Variants in ADAM32 observed in about 807,000 individuals in gnomAD.
The protein encoded by ADAM32 is ADAM metallopeptidase domain 32, also known as disintegrin and metalloproteinase domain-containing protein 32.
Under a neutral mutation model 114.9 loss-of-function variants are expected in ADAM32, and 89 were observed. The ratio of observed to expected loss-of-function variants is 0.77; its 90% CI spans 0.65 to 0.92. ADAM32 has a LOEUF of 0.92. Among genes scored for constraint, ADAM32 ranks in the 40% least tolerant of loss-of-function variants. The pLI is 0.00. For missense variants in ADAM32, 870 were observed against 932.8 expected (o/e 0.93, Z 0.88); for synonymous variants, 285 against 307.5 (o/e 0.93, Z 0.77).
chr8:39,248,431 T>C (rs916581937), intron 17 of ADAM32, among the ~76,000 whole-genome samples: 5 of 152,194 alleles, frequency 3.3e-5, no homozygotes, highest in African/African-American at 1.2e-4. Context: ...TACCAAGTAC[T>C]TCATTTTTTG....
In ADAM32 at chr8:39,234,044, C is replaced by A; in HGVS notation, c.1780C>A (p.Leu594Met). ...ATTGCCTCGAACAGTTCCAGATCCACTGGCTGTCAAAAATGGCTCTCAGTG... is the reference window on the plus strand; with the variant it reads ...ATTGCCTCGAACAGTTCCAGATCCAATGGCTGTCAAAAATGGCTCTCAGTG... ...YKLPRTVPDP[L>M]AVKNGSQCDI... is the part of the protein sequence containing the mutation. Residue 594 changes from leucine to methionine, a missense_variant, in exon 16 of 25, where the codon CTG (leucine) becomes ATG (methionine). Coordinates refer to ENST00000379907, the MANE Select transcript of ADAM32 (RefSeq NM_145004.7). 3 of 1,497,656 alleles carry A rather than the reference C, an allele frequency of 2.0e-6. No homozygotes were observed. Among genetic ancestry groups the A allele is most frequent in the Non-Finnish European group, 2.7e-6 (3 of 1,120,094 alleles). The allele number at this position is 1,497,656 out of a possible 1,614,324, so 92.8% of individuals were successfully genotyped here.
chr8:39,198,595 C>G (rs1198420028), intron 11 of ADAM32, among the ~76,000 whole-genome samples: 2 of 152,198 alleles, frequency 1.3e-5, no homozygotes, highest in African/African-American at 4.8e-5. Flanking sequence ...CTATGCTGGT[C>G]TCGAACTCCT....
At chr8:39,151,037 C>A (rs892386004) in intron 5 of ADAM32, among the ~76,000 whole-genome samples, 1 of 148,468 alleles carries the variant, frequency 6.7e-6, no homozygotes, top group Non-Finnish European at 1.5e-5. Context: ...GCATGGCAAA[C>A]CAGAGAGAAA....
At chr8:39,136,591 A>G in intron 2 of ADAM32, 66 bp from the exon 3 acceptor site, 1 of 1,013,678 alleles carries the variant, frequency 9.9e-7, no homozygotes, top group Non-Finnish European at 1.4e-6. Context: ...ATTAATTGAT[A>G]TAAAACTGTT....
At chr8:39,258,399 A>G (rs902320284) in intron 19 of ADAM32, among the ~76,000 whole-genome samples, 1 of 151,548 alleles carries the variant, frequency 6.6e-6, no homozygotes, top group Non-Finnish European at 1.5e-5. Flanking sequence ...TCTCCTTAAC[A>G]TATATCATTT....
At chr8:39,159,604 G>A (rs1224559494) in intron 6 of ADAM32, among the ~76,000 whole-genome samples, 1 of 152,168 alleles carries the variant, frequency 6.6e-6, no homozygotes. Context: ...TGTGCTTGCT[G>A]CTTTTCTTGT....
chr8:39,239,662 A>G (rs1327704871), intron 16 of ADAM32, among the ~76,000 whole-genome samples: 6 of 152,238 alleles, frequency 3.9e-5, no homozygotes, highest in Non-Finnish European at 7.3e-5. Flanking sequence ...CCAAACAGGT[A>G]TCTGCTGTCT....
chr8:39,187,416 C>A (rs1585490479), intron 11 of ADAM32, among the ~76,000 whole-genome samples: 2 of 152,150 alleles, frequency 1.3e-5, no homozygotes, highest in African/African-American at 4.8e-5. Context: ...GGACTGCAGG[C>A]ACCCGCCACC....
At chr8:39,133,261 C>T (rs976725050) in intron 2 of ADAM32, among the ~76,000 whole-genome samples, 4 of 152,184 alleles carry the variant, frequency 2.6e-5, no homozygotes, top group African/African-American at 7.2e-5. Flanking sequence ...CCTCTCTCAC[C>T]ATGTGATCTG....
chr8:39,132,878 T>C (rs1802548204), intron 2 of ADAM32, among the ~76,000 whole-genome samples: 1 of 152,178 alleles, frequency 6.6e-6, no homozygotes, highest in Admixed American at 6.5e-5. Context: ...TTTTTCTTGA[T>C]ATTTTCAAGA....
At chr8:39,183,513 G>A (rs1806042846) in intron 10 of ADAM32, among the ~76,000 whole-genome samples, 1 of 152,156 alleles carries the variant, frequency 6.6e-6, no homozygotes, top group African/African-American at 2.4e-5. Flanking sequence ...GCCTCTGCCA[G>A]CTAGTATGCA....
At chr8:39,126,248 A>T (rs1802108290) in intron 2 of ADAM32, among the ~76,000 whole-genome samples, 1 of 152,188 alleles carries the variant, frequency 6.6e-6, no homozygotes, top group Non-Finnish European at 1.5e-5. Context: ...GGAATCTATA[A>T]ATTATTTTTG....
chr8:39,136,107 C>T (rs1266900106), intron 2 of ADAM32, among the ~76,000 whole-genome samples: 1 of 152,202 alleles, frequency 6.6e-6, no homozygotes, highest in Non-Finnish European at 1.5e-5. Context: ...TATAAAATCT[C>T]ATCACTGAGG....
At chr8:39,209,745 A>G (rs1808089416) in intron 11 of ADAM32, among the ~76,000 whole-genome samples, 1 of 152,100 alleles carries the variant, frequency 6.6e-6, no homozygotes, top group African/African-American at 2.4e-5. Flanking sequence ...TATGCATCCA[A>G]CCCTGATGGA....
At chr8:39,255,413 T>C (rs1409579331) in intron 18 of ADAM32, among the ~76,000 whole-genome samples, 3 of 152,094 alleles carry the variant, frequency 2.0e-5, no homozygotes, top group Non-Finnish European at 2.9e-5. Flanking sequence ...TTTTAAATTA[T>C]GACCATTCTT....
At chr8:39,210,741 CT>C (rs763076753) in intron 11 of ADAM32, among the ~76,000 whole-genome samples, 2 of 152,098 alleles carry the variant, frequency 1.3e-5, no homozygotes, top group South Asian at 2.1e-4. Flanking sequence ...TAAATATACA[CT>C]TTTTTTCTGA....
chr8:39,123,565 A>T (rs1341208119), intron 2 of ADAM32, among the ~76,000 whole-genome samples: 1 of 152,078 alleles, frequency 6.6e-6, no homozygotes, highest in Non-Finnish European at 1.5e-5. Context: ...TTTGATAGAG[A>T]TTACATTTAA....
At chr8:39,124,070 G>A (rs1801954729) in intron 2 of ADAM32, among the ~76,000 whole-genome samples, 1 of 151,546 alleles carries the variant, frequency 6.6e-6, no homozygotes, top group Non-Finnish European at 1.5e-5. Context: ...GGTTGTGCAG[G>A]TTTGTTATAT....
intron 3 of ADAM32, among the ~76,000 whole-genome samples, chr8:39,145,981 C>T (rs1803483564): frequency 6.6e-6 from 1 of 152,144 alleles, no homozygotes. Context: ...ATCCCTCCAC[C>T]TCGGCCTCCC....
Sources: allele counts gnomAD v4.1 joint callset (sites outside exome capture counted in the v4.1 genomes callset), GRCh38; gene constraint gnomAD v4.1.1; transcripts MANE v1.5; gene names NCBI Gene and HGNC (gene_info 2026-07-23, HGNC 2026-07-21).